Variants in RGS7 observed in about 807,000 individuals in gnomAD.
RGS7 encodes regulator of G protein signaling 7, also known as regulator of G-protein signaling 7.
A neutral mutation model predicts 81.1 loss-of-function variants in RGS7; 27 were observed. The ratio of observed to expected loss-of-function variants is 0.33; its 90% CI spans 0.25 to 0.46. The LOEUF (loss-of-function observed/expected upper bound fraction) is 0.46, where lower values mean the gene tolerates loss of function less well. Among genes scored for constraint, RGS7 ranks in the 20% least tolerant of loss-of-function variants. The pLI, the probability that RGS7 is intolerant of heterozygous loss-of-function variation, is 1.00. For missense variants in RGS7, 396 were observed against 607.4 expected, an observed-to-expected ratio of 0.65 and a Z score of 3.66; for synonymous variants, 208 against 207.7, an observed-to-expected ratio of 1.00 and a Z score of -0.01.
intron 2 of RGS7, among the ~76,000 whole-genome samples, chr1:241,306,782 T>C (rs2080195099): frequency 1.3e-5 from 2 of 151,598 alleles, no homozygotes; most frequent in Admixed American, 1.3e-4. Flanking sequence ...TACACACACA[T>C]CCTCACACAT....
chr1:240,849,605 G>A (rs1659724805), intron 9 of RGS7, among the ~76,000 whole-genome samples: 1 of 152,150 alleles, frequency 6.6e-6, no homozygotes, highest in African/African-American at 2.4e-5. Context: ...CCTCATGAAT[G>A]GCTTAGCACC....
chr1:240,975,598 C>A (rs754321270), intron 4 of RGS7, among the ~76,000 whole-genome samples: 1 of 152,064 alleles, frequency 6.6e-6, no homozygotes, highest in Non-Finnish European at 1.5e-5. Context: ...GCAAGGGGCA[C>A]AAATGAGCAA....
At chr1:241,099,710 G>T (rs984138077) in intron 2 of RGS7, among the ~76,000 whole-genome samples, 1 of 152,134 alleles carries the variant, frequency 6.6e-6, no homozygotes, top group African/African-American at 2.4e-5. Flanking sequence ...GTGGTAGTAT[G>T]GGACTTAAAA....
chr1:240,879,886 T>A (rs1666085459), intron 6 of RGS7, among the ~76,000 whole-genome samples: 1 of 152,198 alleles, frequency 6.6e-6, no homozygotes, highest in East Asian at 1.9e-4. Context: ...TTTATCACAA[T>A]TATTTAGATT....
At chr1:241,342,957 G>T (rs2082652439) in intron 2 of RGS7, among the ~76,000 whole-genome samples, 1 of 152,112 alleles carries the variant, frequency 6.6e-6, no homozygotes. Context: ...CGGTATGGCA[G>T]TTCCTCAAAA....
chr1:240,972,041 A>G (rs971792497), intron 4 of RGS7, among the ~76,000 whole-genome samples: 1 of 152,230 alleles, frequency 6.6e-6, no homozygotes, highest in Non-Finnish European at 1.5e-5. Context: ...TGAAATACAT[A>G]GGAAATTGCT....
intron 3 of RGS7, among the ~76,000 whole-genome samples, chr1:241,036,560 C>T (rs1252354979): frequency 6.6e-6 from 1 of 152,188 alleles, no homozygotes; most frequent in Non-Finnish European, 1.5e-5. Context: ...AATTAGCATG[C>T]TTCTCATTCT....
chr1:241,161,546 A>G (rs2069667730), intron 2 of RGS7, among the ~76,000 whole-genome samples: 1 of 124,496 alleles, frequency 8.0e-6, no homozygotes, highest in African/African-American at 3.1e-5. Flanking sequence ...AATTATATTA[A>G]TGATAGTAAC....
intron 2 of RGS7, among the ~76,000 whole-genome samples, chr1:241,197,889 C>T (rs571590456): frequency 7.9e-4 from 119 of 150,460 alleles, no homozygotes; most frequent in African/African-American, 2.8e-3. Context: ...AACATTACTA[C>T]TGTATAATAA....
chr1:241,165,845 C>T (rs1371529019), intron 2 of RGS7, among the ~76,000 whole-genome samples: 1 of 151,680 alleles, frequency 6.6e-6, no homozygotes, highest in Non-Finnish European at 1.5e-5. Flanking sequence ...AACCTGGTAC[C>T]AAACCTCAAA....
chr1:241,186,393 C>T (rs189598264), intron 2 of RGS7: 1 of 477,484 alleles, frequency 2.1e-6, no homozygotes, highest in East Asian at 1.5e-4. Context: ...TCCAATTTAT[C>T]AACTGATGCA....
At chr1:241,249,090 T>A (rs2076704676) in intron 2 of RGS7, among the ~76,000 whole-genome samples, 1 of 152,164 alleles carries the variant, frequency 6.6e-6, no homozygotes, top group Admixed American at 6.6e-5. Flanking sequence ...CTTCACAGGG[T>A]CTTCCACAGA....
intron 6 of RGS7, among the ~76,000 whole-genome samples, chr1:240,887,553 C>T (rs1353770592): frequency 6.6e-6 from 1 of 152,070 alleles, no homozygotes; most frequent in Non-Finnish European, 1.5e-5. Context: ...AAGTGAGATA[C>T]CACAGGGTTG....
intron 2 of RGS7, among the ~76,000 whole-genome samples, chr1:241,227,861 G>A (rs2075412102): frequency 6.6e-6 from 1 of 152,186 alleles, no homozygotes; most frequent in East Asian, 1.9e-4. Flanking sequence ...GCAGCATATT[G>A]TGTTTTCTGA....
chr1:240,960,546 CTTTTTTTTTT>C (rs5782170), intron 4 of RGS7, among the ~76,000 whole-genome samples: 2 of 113,694 alleles, frequency 1.8e-5, no homozygotes, highest in East Asian at 2.5e-4. Flanking sequence ...CTGGGCTGTT[CTTTTTTTTTT>C]TTTTTTTTTT....
intron 2 of RGS7, among the ~76,000 whole-genome samples, chr1:241,250,430 T>C (rs142859991): frequency 4.9e-4 from 75 of 152,230 alleles, no homozygotes; most frequent in African/African-American, 1.8e-3. Context: ...GAATAAATAC[T>C]AGGAGTCGCC....
At chr1:240,815,677 G>A (rs1199180978) in intron 11 of RGS7, among the ~76,000 whole-genome samples, 1 of 152,024 alleles carries the variant, frequency 6.6e-6, no homozygotes, top group Non-Finnish European at 1.5e-5. Context: ...TAAAATATCA[G>A]AGGAAAAGAG....
At chr1:241,014,088 A>G (rs2059105894) in intron 3 of RGS7, among the ~76,000 whole-genome samples, 1 of 152,224 alleles carries the variant, frequency 6.6e-6, no homozygotes, top group Admixed American at 6.5e-5. Context: ...ACTTTAAAAC[A>G]CTGTTTCTAA....
In RGS7 at chr1:240,794,168, T is replaced by C. The variant is rs146776795; in HGVS notation, c.*6+6473A>G. Among the ~76,000 whole-genome samples the C allele has an allele frequency of 1.4e-3, 209 of 152,188 alleles. 1 individual carries two copies. Among genetic ancestry groups the C allele is most frequent in the Non-Finnish European group, 8.4e-4 (57 of 68,020 alleles). On this transcript the variant is annotated intron_variant, in intron 18 of 18. Transcript: ENST00000440928. ...TGTGTCAGTTGAGGATCTGACTCACTCTGTGGAGCTCTTACCATGCCTACA... is the reference window on the plus strand; with the variant it reads ...TGTGTCAGTTGAGGATCTGACTCACCCTGTGGAGCTCTTACCATGCCTACA...
Sources: gnomAD v4.1 joint callset for allele counts (sites outside exome capture counted in the v4.1 genomes callset) on GRCh38, gnomAD v4.1.1 for gene constraint, MANE v1.5 for transcripts, NCBI Gene and HGNC (gene_info 2026-07-23, HGNC 2026-07-21) for gene names.